Variants in RAPGEF2 observed in about 807,000 individuals in gnomAD.
RAPGEF2 encodes the protein Rap guanine nucleotide exchange factor 2.
A neutral mutation model predicts 186.7 loss-of-function variants in RAPGEF2; 54 were observed. The ratio of observed to expected loss-of-function variants is 0.29; its 90% CI spans 0.23 to 0.36. The LOEUF (loss-of-function observed/expected upper bound fraction) is 0.36, where lower values mean the gene tolerates loss of function less well. Ranked by LOEUF, RAPGEF2 falls within the 10% of genes least tolerant of loss-of-function variation. The pLI is 1.00. For missense variants in RAPGEF2, 1,532 were observed against 2,045.0 expected (o/e 0.75, Z 4.84); for synonymous variants, 712 against 705.9 (o/e 1.01, Z -0.14).
At chr4:159,110,081 TATAGTA>T (rs1251443937) in intron 1 of RAPGEF2, among the ~76,000 whole-genome samples, 2 of 152,216 alleles carry the variant, frequency 1.3e-5, no homozygotes, top group Non-Finnish European at 2.9e-5. Context: ...TATATCTCAT[TATAGTA>T]AAACTGTGTT....
chr4:159,104,922 C>T (rs1737712429), intron 1 of RAPGEF2, among the ~76,000 whole-genome samples: 1 of 152,202 alleles, frequency 6.6e-6, no homozygotes, highest in African/African-American at 2.4e-5. Context: ...AAATTGCAGA[C>T]ATAGCTGCAG....
chr4:159,216,129 T>G (rs1009369708), intron 4 of RAPGEF2, among the ~76,000 whole-genome samples: 3 of 152,186 alleles, frequency 2.0e-5, no homozygotes, highest in African/African-American at 7.2e-5. Flanking sequence ...AAACATTAAT[T>G]GAAACATGCA....
intron 8 of RAPGEF2, among the ~76,000 whole-genome samples, chr4:159,307,941 A>G (rs1389213767): frequency 1.3e-5 from 2 of 152,214 alleles, no homozygotes; most frequent in Non-Finnish European, 2.9e-5. Context: ...ACTGCACTCC[A>G]GCCTATGGGG....
chr4:159,223,365 T>C (rs1308726752), intron 4 of RAPGEF2, among the ~76,000 whole-genome samples: 4 of 152,224 alleles, frequency 2.6e-5, no homozygotes, highest in Non-Finnish European at 5.9e-5. Context: ...TTCAAGATAA[T>C]CTTATCTTTT....
intron 8 of RAPGEF2, among the ~76,000 whole-genome samples, chr4:159,305,766 T>A (rs1280068481): frequency 1.3e-5 from 2 of 152,148 alleles, no homozygotes; most frequent in Non-Finnish European, 2.9e-5. Context: ...CCAAAAGAAT[T>A]TTCCCTAGAT....
intron 7 of RAPGEF2, among the ~76,000 whole-genome samples, chr4:159,251,716 A>G (rs1250956899): frequency 1.3e-5 from 2 of 152,106 alleles, no homozygotes; most frequent in Non-Finnish European, 1.5e-5. Context: ...GGGATTATAA[A>G]TGCACCAATC....
intron 1 of RAPGEF2, among the ~76,000 whole-genome samples, chr4:159,142,528 T>C (rs555025092): frequency 8.3e-4 from 126 of 151,642 alleles, no homozygotes; most frequent in Middle Eastern, 3.4e-3. Context: ...TTTTTTTTTA[T>C]ATGAAATTTT....
chr4:159,310,551 CTG>C (rs1380306076), intron 8 of RAPGEF2, among the ~76,000 whole-genome samples: 4 of 151,954 alleles, frequency 2.6e-5, no homozygotes, highest in Non-Finnish European at 4.4e-5. Context: ...GTTTTAAGAA[CTG>C]TGTTCACAAT....
chr4:159,248,901 C>A (rs1754970061), intron 7 of RAPGEF2, among the ~76,000 whole-genome samples: 1 of 152,160 alleles, frequency 6.6e-6, no homozygotes, highest in African/African-American at 2.4e-5. Context: ...ATTACATCAT[C>A]TCTGCTACAG....
chr4:159,121,778 C>T (rs911799170), intron 1 of RAPGEF2, among the ~76,000 whole-genome samples: 1 of 151,354 alleles, frequency 6.6e-6, no homozygotes, highest in Non-Finnish European at 1.5e-5. Flanking sequence ...TGCCTGTAAT[C>T]GCAGCACTTT....
intron 1 of RAPGEF2, among the ~76,000 whole-genome samples, chr4:159,124,910 A>G (rs183412046): frequency 3.3e-5 from 5 of 152,328 alleles, no homozygotes; most frequent in Admixed American, 2.6e-4. Context: ...GTTAATGTTC[A>G]TCCAGAATGG....
At chr4:159,292,297 A>G (rs1156264798) in intron 7 of RAPGEF2, among the ~76,000 whole-genome samples, 1 of 151,950 alleles carries the variant, frequency 6.6e-6, no homozygotes, top group Non-Finnish European at 1.5e-5. Flanking sequence ...ACGCCACCCT[A>G]CCTTGGGCTT....
At chr4:159,347,320 T>C (rs2111298895) in intron 25 of RAPGEF2, among the ~76,000 whole-genome samples, 1 of 152,364 alleles carries the variant, frequency 6.6e-6, no homozygotes, top group Middle Eastern at 3.4e-3. Context: ...CTGGTTTTGC[T>C]TTACAACCAA....
At chr4:159,197,105 G>T (rs1748728341) in intron 3 of RAPGEF2, among the ~76,000 whole-genome samples, 1 of 152,082 alleles carries the variant, frequency 6.6e-6, no homozygotes, top group Admixed American at 6.5e-5. Context: ...CTCACCAGAG[G>T]GACCTTAACT....
intron 7 of RAPGEF2, among the ~76,000 whole-genome samples, chr4:159,250,749 C>T (rs1755225738): frequency 6.7e-6 from 1 of 148,558 alleles, no homozygotes; most frequent in South Asian, 2.1e-4. Context: ...TGGCTCACTG[C>T]AACTGAGAGG....
chr4:159,162,067 C>T (rs868422653), intron 1 of RAPGEF2, among the ~76,000 whole-genome samples: 20 of 152,088 alleles, frequency 1.3e-4, no homozygotes, highest in African/African-American at 4.6e-4. Flanking sequence ...TTGTCTCTAA[C>T]ATATTTTTAA....
chr4:159,346,756 T>G (rs1561325862), intron 24 of RAPGEF2, 33 bp from the exon 25 acceptor site: 4 of 1,572,304 alleles, frequency 2.5e-6, no homozygotes, highest in Non-Finnish European at 2.6e-6. Context: ...TCTAAAATTC[T>G]TTGTTCTATT....
intron 1 of RAPGEF2, among the ~76,000 whole-genome samples, chr4:159,176,110 G>A (rs1246214401): frequency 6.6e-6 from 1 of 152,200 alleles, no homozygotes; most frequent in Non-Finnish European, 1.5e-5. Context: ...GTTAAATGGG[G>A]TCTTGGAGCA....
chr4:159,243,173 GAAAATTC>G (rs1754215545), intron 6 of RAPGEF2, among the ~76,000 whole-genome samples: 1 of 151,294 alleles, frequency 6.6e-6, no homozygotes, highest in South Asian at 2.1e-4. Context: ...TACTTTTAGG[GAAAATTC>G]AATAGTAGGA....
Sources: gnomAD v4.1 joint callset for allele counts (sites outside exome capture counted in the v4.1 genomes callset) on GRCh38, gnomAD v4.1.1 for gene constraint, MANE v1.5 for transcripts, NCBI Gene and HGNC (gene_info 2026-07-23, HGNC 2026-07-21) for gene names.